SEMA4D: variants seen among roughly 807,000 people sequenced by gnomAD.
SEMA4D encodes the protein semaphorin-4D.
In SEMA4D, 22 loss-of-function variants were observed where a neutral mutation model predicts 74.8. That is an observed-to-expected ratio of 0.29 (90% confidence interval 0.21 to 0.42). The LOEUF is 0.42. Ranked by LOEUF, SEMA4D falls within the 10% of genes least tolerant of loss-of-function variation. The pLI is 1.00. For missense variants in SEMA4D, 937 were observed against 1,118.4 expected (o/e 0.84, Z 2.31); for synonymous variants, 445 against 463.7 (o/e 0.96, Z 0.52).
At chr9:89,402,188 T>C (rs1461857635) in intron 4 of SEMA4D, among the ~76,000 whole-genome samples, 1 of 152,190 alleles carries the variant, frequency 6.6e-6, no homozygotes, top group Middle Eastern at 3.2e-3. Flanking sequence ...TTCGGTTTGA[T>C]TTTTTAAAAT....
At chr9:89,487,499 C>G (rs932715553) in intron 1 of SEMA4D, among the ~76,000 whole-genome samples, 1 of 152,092 alleles carries the variant, frequency 6.6e-6, no homozygotes, top group Non-Finnish European at 1.5e-5. Flanking sequence ...ACTTTTATCA[C>G]TTCTATTAAT....
In SEMA4D at chr9:89,492,778, G is replaced by A. The variant is rs2136284121; in HGVS notation, c.-310+5141C>T. Among the ~76,000 whole-genome samples, 1 of 152,226 alleles carries A rather than the reference G, an allele frequency of 6.6e-6. No individual in the cohort carries two copies. The highest frequency in any genetic ancestry group is 2.4e-5 in the African/African-American group (1 of 41,528). On this transcript the variant is annotated intron_variant, in intron 1 of 15. Transcript: ENST00000422704. The surrounding 1 kb of genome is among the most constrained non-coding windows in gnomAD (Gnocchi z 4.3). ...TGCAATCAGCCTGCCTCCCACCCGAGGAGACTGCCCGAGCTCCTGCAAGGC... is the reference window on the plus strand; with the variant it reads ...TGCAATCAGCCTGCCTCCCACCCGAAGAGACTGCCCGAGCTCCTGCAAGGC...
At chr9:89,475,394 ACCACACCAG>A (rs1861507828) in intron 1 of SEMA4D, among the ~76,000 whole-genome samples, 1 of 152,020 alleles carries the variant, frequency 6.6e-6, no homozygotes, top group Non-Finnish European at 1.5e-5. Flanking sequence ...TGCCAGCCCA[ACCACACCAG>A]GACTGGTCCA....
chr9:89,460,970 G>A (rs1857067571), intron 1 of SEMA4D, among the ~76,000 whole-genome samples: 1 of 152,164 alleles, frequency 6.6e-6, no homozygotes, highest in South Asian at 2.1e-4. Context: ...GAGAGAAAGG[G>A]CTCCCAGGGC....
Position 89,432,220 on chromosome 9 carries a change from C to T in SEMA4D, c.-244+23668G>A, listed in dbSNP as rs568465257. ...GGTACTTGGATTATTTATAACACTG[C>T]TTGGCACAATAAATGTTAACCACTA... On this transcript the variant is annotated intron_variant, in intron 2 of 15. Transcript: ENST00000422704. Among the ~76,000 whole-genome samples, 4 of 152,342 alleles carry T rather than the reference C, an allele frequency of 2.6e-5. No individual in the cohort carries two copies. In the East Asian group the frequency reaches 7.7e-4, roughly 29 times the overall value.
intron 2 of SEMA4D, among the ~76,000 whole-genome samples, chr9:89,451,671 T>C (rs1255963283): frequency 1.3e-5 from 2 of 152,324 alleles, no homozygotes; most frequent in African/African-American, 2.4e-5. Flanking sequence ...ACCTCCGGCA[T>C]GCTGTCCCAG....
intron 13 of SEMA4D, chr9:89,386,023 G>C (rs1046298101): frequency 5.1e-6 from 5 of 985,276 alleles, no homozygotes; most frequent in Admixed American, 6.1e-5. Flanking sequence ...ATATCCCACA[G>C]ATGCAGTCTG....
In SEMA4D at chr9:89,388,803, GA is replaced by G; in HGVS notation, c.951-12del. 2 of 1,605,594 alleles carry G rather than the reference GA, an allele frequency of 1.2e-6. No homozygotes were observed. Among genetic ancestry groups the G allele is most frequent in the East Asian group, 4.5e-5 (2 of 44,676 alleles). ...AGCCCCACGTTGTTCCTGGGGAGGGGAAAGAGGTGACGGGACCACCTGGCGG... is the reference window on the plus strand; with the variant it reads ...AGCCCCACGTTGTTCCTGGGGAGGGGAAGAGGTGACGGGACCACCTGGCGG... On this transcript the variant is annotated splice_polypyrimidine_tract_variant and intron_variant, in intron 10 of 15. Transcript: ENST00000422704.
intron 2 of SEMA4D, among the ~76,000 whole-genome samples, chr9:89,446,834 A>T (rs1266929931): frequency 6.6e-6 from 1 of 152,066 alleles, no homozygotes; most frequent in East Asian, 1.9e-4. Context: ...ACCACGCTGC[A>T]CCCAGGCCTC....
At chr9:89,362,240 C>A in exon 19 of SEMA4D, 3 of 1,242,472 alleles carry the variant, frequency 2.4e-6, no homozygotes, top group Non-Finnish European at 3.5e-6. Context: ...CACTGTCCCG[C>A]CTCTGCCCAT....
At chr9:89,470,474 A>G (rs1374788773) in intron 1 of SEMA4D, among the ~76,000 whole-genome samples, 2 of 152,234 alleles carry the variant, frequency 1.3e-5, no homozygotes, top group African/African-American at 4.8e-5. Context: ...AAAACTTAAC[A>G]ATACCAGGTG....
intron 2 of SEMA4D, among the ~76,000 whole-genome samples, chr9:89,422,991 T>C (rs1847296224): frequency 1.3e-5 from 2 of 152,350 alleles, no homozygotes; most frequent in South Asian, 2.1e-4. Flanking sequence ...TTCTCTTGCC[T>C]TTCTTAAACA....
intron 2 of SEMA4D, among the ~76,000 whole-genome samples, chr9:89,408,665 A>AGAC (rs1554757193): frequency 2.0e-5 from 3 of 151,546 alleles, no homozygotes; most frequent in Non-Finnish European, 4.4e-5. Flanking sequence ...CCGCGCCACT[A>AGAC]GAGGAGGAGG....
intron 2 of SEMA4D, among the ~76,000 whole-genome samples, chr9:89,417,519 A>C (rs1293664716): frequency 6.6e-6 from 1 of 152,216 alleles, no homozygotes; most frequent in African/African-American, 2.4e-5. Flanking sequence ...ATGATGAAGG[A>C]AAGATGGGGT....
intron 2 of SEMA4D, among the ~76,000 whole-genome samples, chr9:89,454,217 T>A (rs1415815189): frequency 6.6e-6 from 1 of 152,126 alleles, no homozygotes; most frequent in Non-Finnish European, 1.5e-5. Flanking sequence ...CCTGAGGCAG[T>A]AGGAGTCACA....
At chr9:89,429,245 C>T (rs575505141) in intron 2 of SEMA4D, among the ~76,000 whole-genome samples, 14 of 152,192 alleles carry the variant, frequency 9.2e-5, no homozygotes, top group Admixed American at 3.9e-4. Flanking sequence ...GCGGCCACCT[C>T]GGCTGACTCT....
chr9:89,371,986 G>GGT (rs1564501899), intron 16 of SEMA4D, among the ~76,000 whole-genome samples: 988 of 52,840 alleles, frequency 0.019, 90 homozygotes, highest in East Asian at 0.039. Flanking sequence ...GTGTGTCTGG[G>GGT]GTGTGGTGTG....
chr9:89,393,444 C>T, intron 7 of SEMA4D, 118 bp downstream of exon 7: 1 of 797,520 alleles, frequency 1.3e-6, no homozygotes, highest in East Asian at 2.5e-5. Flanking sequence ...GTAAGGATAG[C>T]TCCTATTTAA....
At chr9:89,461,114 A>G (rs1857097448) in intron 1 of SEMA4D, among the ~76,000 whole-genome samples, 1 of 152,112 alleles carries the variant, frequency 6.6e-6, no homozygotes, top group Non-Finnish European at 1.5e-5. Flanking sequence ...GAAAATGTGC[A>G]TCTCACTGGA....
Sources: gnomAD v4.1 joint callset for allele counts (sites outside exome capture counted in the v4.1 genomes callset) on GRCh38, gnomAD v4.1.1 for gene constraint, Gnocchi (gnomAD v3.1) non-coding constraint, MANE v1.5 for transcripts, NCBI Gene and HGNC (gene_info 2026-07-23, HGNC 2026-07-21) for gene names.